The following RBFOX1 variants were observed in gnomAD, a reference collection of about 807,000 sequenced individuals.
The protein encoded by RBFOX1 is RNA binding fox-1 homolog 1.
RBFOX1 carries 8 observed loss-of-function variants against 57.7 expected under a neutral mutation model. The ratio of observed to expected loss-of-function variants is 0.14; its 90% CI spans 0.08 to 0.25. RBFOX1 has a LOEUF of 0.25. RBFOX1 is among the 10% of genes least tolerant of loss of function. RBFOX1 has a pLI of 1.00. For synonymous variants in RBFOX1, 326 were observed against 222.4 expected (o/e 1.47, Z -4.15); for missense variants, 611 against 548.5 (o/e 1.11, Z -1.14).
chr16:6,969,743 C>T (rs368114267), intron 3 of RBFOX1, among the ~76,000 whole-genome samples: 3 of 151,996 alleles, frequency 2.0e-5, no homozygotes, highest in Admixed American at 1.3e-4. Context: ...GACCCTGTCT[C>T]AAATAAATAA....
chr16:5,585,182 C>G (rs529865631), intron 2 of RBFOX1, among the ~76,000 whole-genome samples: 1 of 152,184 alleles, frequency 6.6e-6, no homozygotes, highest in Non-Finnish European at 1.5e-5. Flanking sequence ...GCCCTCCCCC[C>G]GTCCCTGGAA....
chr16:6,431,114 G>A (rs2094069616), intron 2 of RBFOX1, among the ~76,000 whole-genome samples: 1 of 151,998 alleles, frequency 6.6e-6, no homozygotes, highest in Non-Finnish European at 1.5e-5. Flanking sequence ...CTGCAGTCTG[G>A]GTGACAGAGC....
At chr16:5,606,712 G>A (rs1343610376) in intron 3 of RBFOX1, among the ~76,000 whole-genome samples, 1 of 152,166 alleles carries the variant, frequency 6.6e-6, no homozygotes, top group African/African-American at 2.4e-5. Context: ...ATAAAGTTGA[G>A]TGGTAGTGCA....
At chr16:7,048,824 C>G (rs769242293) in intron 3 of RBFOX1, among the ~76,000 whole-genome samples, 1 of 152,098 alleles carries the variant, frequency 6.6e-6, no homozygotes, top group Non-Finnish European at 1.5e-5. Context: ...TGTTAGGAGA[C>G]TCTAGGTCTT....
intron 4 of RBFOX1, among the ~76,000 whole-genome samples, chr16:7,291,904 T>C (rs1344936127): frequency 1.2e-5 from 1 of 81,724 alleles, no homozygotes; most frequent in Non-Finnish European, 2.4e-5. Flanking sequence ...TACTATATAA[T>C]GTATTATATA....
At position 6,414,562 on chromosome 16, in the gene RBFOX1, T is replaced by C. The variant is rs1370755399; in HGVS notation, c.-64+97505T>C. ...GACAAGTGCAAAGAAGAAAATAAAG[T>C]ACTGTGTAAGTTCGTTAAGCAAAGG... On this transcript the variant is annotated intron_variant, in intron 2 of 15. Coordinates refer to ENST00000550418, the MANE Select transcript of RBFOX1 (RefSeq NM_018723.4). Among the ~76,000 whole-genome samples, 4 of 152,170 alleles carry C rather than the reference T, an allele frequency of 2.6e-5. 1 individual carries two copies. The highest frequency in any genetic ancestry group is 4.4e-5 in the Non-Finnish European group (3 of 68,026).
At chr16:6,665,062 G>C (rs2098723354) in intron 3 of RBFOX1, among the ~76,000 whole-genome samples, 1 of 152,206 alleles carries the variant, frequency 6.6e-6, no homozygotes, top group Admixed American at 6.5e-5. Flanking sequence ...TGACAGTTAT[G>C]AGTAAAGTGG....
chr16:7,402,394 C>T (rs977955056), intron 4 of RBFOX1, among the ~76,000 whole-genome samples: 4 of 152,180 alleles, frequency 2.6e-5, no homozygotes, highest in East Asian at 1.9e-4. Context: ...TACTTCTATA[C>T]AAAGGAATAT....
chr16:6,981,408 C>T (rs1042470507), intron 3 of RBFOX1, among the ~76,000 whole-genome samples: 1 of 152,124 alleles, frequency 6.6e-6, no homozygotes, highest in Non-Finnish European at 1.5e-5. Context: ...ATCCATGTCC[C>T]TGCAAAGGAC....
intron 3 of RBFOX1, among the ~76,000 whole-genome samples, chr16:5,673,735 T>C (rs1363388680): frequency 6.6e-6 from 1 of 152,246 alleles, no homozygotes; most frequent in Non-Finnish European, 1.5e-5. Context: ...TATCCACACC[T>C]TTTCTCTTCT....
chr16:5,837,246 T>C (rs2056488614), intron 3 of RBFOX1, among the ~76,000 whole-genome samples: 1 of 150,742 alleles, frequency 6.6e-6, no homozygotes, highest in South Asian at 2.1e-4. Flanking sequence ...CGCTAGACTT[T>C]TCTCAGTTTT....
At chr16:5,682,094 C>G (rs1477719235) in intron 3 of RBFOX1, among the ~76,000 whole-genome samples, 1 of 152,182 alleles carries the variant, frequency 6.6e-6, no homozygotes, top group Non-Finnish European at 1.5e-5. Flanking sequence ...GACAGCATTA[C>G]AGTTGGGTTT....
chr16:7,511,484 C>G (rs913664669), intron 4 of RBFOX1, among the ~76,000 whole-genome samples: 1 of 152,162 alleles, frequency 6.6e-6, no homozygotes, highest in African/African-American at 2.4e-5. Context: ...CTCTGAGCAT[C>G]AGAAGAGTGG....
chr16:5,704,757 C>T (rs11644707), intron 3 of RBFOX1, among the ~76,000 whole-genome samples: 5,507 of 152,190 alleles, frequency 0.036, 134 homozygotes, highest in South Asian at 0.086. Flanking sequence ...CTCAGCTTGG[C>T]CGGGTTACTA....
chr16:6,844,136 C>CT (rs2141626124), intron 3 of RBFOX1, among the ~76,000 whole-genome samples: 3 of 8,436 alleles, frequency 3.6e-4, no homozygotes, highest in Admixed American at 1.5e-3. Context: ...TTTTCTCTCT[C>CT]TCCATCATTA....
At chr16:6,719,438 A>G (rs892963423) in intron 3 of RBFOX1, among the ~76,000 whole-genome samples, 1 of 143,778 alleles carries the variant, frequency 7.0e-6, no homozygotes, top group Non-Finnish European at 1.5e-5. Flanking sequence ...CATCTTCAAA[A>G]TAACCTGTTT....
chr16:5,255,465 C>G lies in RBFOX1; in HGVS notation c.219+15360C>G, dbSNP rs146208328. ...CCATCCAATCCACTCTCTTGTGCAC[C>G]CAGCTATCATCCACCTAACCACCTA... On this transcript the variant is annotated intron_variant, in intron 1 of 2. Transcript: ENST00000585867. 1.2e-3 allele frequency among the ~76,000 whole-genome samples: 182 copies of G among 151,746 alleles called. 1 individual carries two copies. The highest frequency in any genetic ancestry group is 4.2e-3 in the African/African-American group (173 of 41,368).
chr16:6,546,411 G>T (rs1034504415), intron 2 of RBFOX1, among the ~76,000 whole-genome samples: 3 of 152,216 alleles, frequency 2.0e-5, no homozygotes, highest in African/African-American at 7.2e-5. Flanking sequence ...GGAGCCCAAA[G>T]TCAGGGTGTC....
chr16:6,950,276 G>T (rs2080443235), intron 3 of RBFOX1, among the ~76,000 whole-genome samples: 1 of 151,898 alleles, frequency 6.6e-6, no homozygotes, highest in East Asian at 1.9e-4. Context: ...CTTTGTCTTT[G>T]CAGAACCATG....
Sources: gnomAD v4.1 joint callset for allele counts (sites outside exome capture counted in the v4.1 genomes callset) on GRCh38, gnomAD v4.1.1 for gene constraint, MANE v1.5 for transcripts, NCBI Gene and HGNC (gene_info 2026-07-23, HGNC 2026-07-21) for gene names.